The following RASAL2 variants were observed in gnomAD, a reference collection of about 807,000 sequenced individuals.
RASAL2 encodes the protein RAS protein activator like 2.
In RASAL2, 58 loss-of-function variants were observed where a neutral mutation model predicts 128.9. The ratio of observed to expected loss-of-function variants is 0.45; its 90% CI spans 0.36 to 0.56. RASAL2 has a LOEUF of 0.56. RASAL2 is among the 20% of genes least tolerant of loss of function. The probability of loss-of-function intolerance (pLI) is 0.00; values close to 1 mark genes in which losing one functional copy is unlikely to be tolerated. For missense variants in RASAL2, 1,360 were observed against 1,601.6 expected, an observed-to-expected ratio of 0.85 and a Z score of 2.57; for synonymous variants, 561 against 580.8, an observed-to-expected ratio of 0.97 and a Z score of 0.49.
intron 1 of RASAL2, among the ~76,000 whole-genome samples, chr1:178,164,658 C>A (rs1661455684): frequency 6.6e-6 from 1 of 151,734 alleles, no homozygotes; most frequent in South Asian, 2.1e-4. Flanking sequence ...AATATATATT[C>A]CTGGGTTACT....
chr1:178,247,553 CG>C (rs1558139453), intron 1 of RASAL2, among the ~76,000 whole-genome samples: 1 of 151,812 alleles, frequency 6.6e-6, no homozygotes, highest in Non-Finnish European at 1.5e-5. Context: ...AAGAGTTTTT[CG>C]TGTCTCTATC....
intron 3 of RASAL2, among the ~76,000 whole-genome samples, chr1:178,324,069 A>G (rs1262196306): frequency 2.0e-5 from 3 of 152,192 alleles, no homozygotes; most frequent in Admixed American, 2.0e-4. Context: ...TGCTCTCATC[A>G]TTAACTCTGA....
In RASAL2 at chr1:178,283,593, T is replaced by C; in HGVS notation, c.232T>C (p.Ser78Pro). 7 of 1,613,474 alleles carry C rather than the reference T, an allele frequency of 4.3e-6. No homozygotes were observed. Among genetic ancestry groups the C allele is most frequent in the Non-Finnish European group, 5.9e-6 (7 of 1,179,654 alleles). Residue 78 changes from serine to proline, a missense_variant, in exon 2 of 18, where the codon TCT becomes CCT. Around this residue, in one of 3 missense-constraint regions of RASAL2, gnomAD observed 617 missense variants for 714.2 expected, o/e 0.86. Coordinates refer to ENST00000367649, the MANE Select transcript of RASAL2 (RefSeq NM_170692.4). Reference sequence around the variant, plus strand: ...GAAAGGACCACCCACCCACCGTCTGTCTTGTGGTCAGTCACCCTACACCGA... The same window carrying C: ...GAAAGGACCACCCACCCACCGTCTGCCTTGTGGTCAGTCACCCTACACCGA... ...DVKGPPTHRLSCGQSPYTETT... is the reference protein window; with the variant it reads ...DVKGPPTHRLPCGQSPYTETT...
intron 7 of RASAL2, among the ~76,000 whole-genome samples, chr1:178,441,904 C>G (rs1676679826): frequency 6.6e-6 from 1 of 152,120 alleles, no homozygotes; most frequent in Non-Finnish European, 1.5e-5. Context: ...CTGTTATCTG[C>G]TCAGCCTCTA....
At chr1:178,413,180 A>G (rs974018192) in intron 4 of RASAL2, among the ~76,000 whole-genome samples, 8 of 152,096 alleles carry the variant, frequency 5.3e-5, no homozygotes, top group Non-Finnish European at 8.8e-5. Flanking sequence ...GGCTGGTCTC[A>G]AACTCCTGAC....
intron 3 of RASAL2, among the ~76,000 whole-genome samples, chr1:178,362,115 G>A (rs1671151204): frequency 6.6e-6 from 1 of 152,152 alleles, no homozygotes; most frequent in African/African-American, 2.4e-5. Flanking sequence ...CCTGGGGGTT[G>A]GGGACCCCTG....
intron 3 of RASAL2, among the ~76,000 whole-genome samples, chr1:178,306,100 A>G (rs1274619996): frequency 6.6e-6 from 1 of 152,180 alleles, no homozygotes; most frequent in Non-Finnish European, 1.5e-5. Context: ...TGATTCATCA[A>G]ATTTTTTTCA....
At position 178,130,115 on chromosome 1, in the gene RASAL2, G is replaced by A. The variant is rs146025725; in HGVS notation, c.202+35421G>A. Among the ~76,000 whole-genome samples the A allele has an allele frequency of 1.5e-3, 234 of 152,188 alleles. 1 individual carries two copies. The highest frequency in any genetic ancestry group is 5.4e-3 in the African/African-American group (224 of 41,526). On this transcript the variant is annotated intron_variant, in intron 1 of 17. Coordinates refer to ENST00000367649, the MANE Select transcript of RASAL2 (RefSeq NM_170692.4). ...CCGTAGTATATTCAAATTCAGCAGG[G>A]CAGTTTATAAAACAATTACTATATA...
At chr1:178,383,695 G>A (rs1672401897) in intron 3 of RASAL2, among the ~76,000 whole-genome samples, 1 of 152,046 alleles carries the variant, frequency 6.6e-6, no homozygotes, top group Non-Finnish European at 1.5e-5. Flanking sequence ...TTTCTTAAAT[G>A]TCTTCTGTGC....
chr1:178,148,582 G>A (rs1359186497), intron 1 of RASAL2, among the ~76,000 whole-genome samples: 1 of 151,980 alleles, frequency 6.6e-6, no homozygotes, highest in Non-Finnish European at 1.5e-5. Flanking sequence ...TCAAGCAACT[G>A]GGACTACAGG....
intron 3 of RASAL2, chr1:178,372,446 G>C (rs1671771545): frequency 1.3e-6 from 1 of 761,662 alleles, no homozygotes; most frequent in African/African-American, 1.9e-5. Context: ...GGAATTAAGG[G>C]AATATGTTTA....
intron 1 of RASAL2, among the ~76,000 whole-genome samples, chr1:178,222,546 C>T (rs914605140): frequency 3.3e-5 from 5 of 152,094 alleles, no homozygotes; most frequent in African/African-American, 1.2e-4. Context: ...CCTAATCTCT[C>T]TCTGGAATCC....
intron 1 of RASAL2, among the ~76,000 whole-genome samples, chr1:178,181,186 A>T (rs1377562472): frequency 6.6e-6 from 1 of 152,112 alleles, no homozygotes; most frequent in East Asian, 1.9e-4. Flanking sequence ...AATATTAATG[A>T]TAGAATAGTT....
chr1:178,465,802 TAAAAAAAAGAAAAAAGAAAAA>T (rs1401691753), intron 15 of RASAL2, 97 bp from the exon 16 acceptor site: 1 of 985,400 alleles, frequency 1.0e-6, no homozygotes, highest in Non-Finnish European at 1.5e-6. Context: ...TTTCTTTTGT[TAAAAAAAAGAAAAAAGAAAAA>T]GAAAAAAAGA....
At chr1:178,225,013 C>T (rs955543036) in intron 1 of RASAL2, among the ~76,000 whole-genome samples, 2 of 152,054 alleles carry the variant, frequency 1.3e-5, no homozygotes, top group African/African-American at 4.8e-5. Context: ...CTAATTTAAG[C>T]AGGTCATGGA....
chr1:178,221,071 C>A (rs1663598429), intron 1 of RASAL2, among the ~76,000 whole-genome samples: 1 of 152,136 alleles, frequency 6.6e-6, no homozygotes, highest in South Asian at 2.1e-4. Context: ...TGCTTCACAC[C>A]CTTGCCAGCA....
intron 3 of RASAL2, among the ~76,000 whole-genome samples, chr1:178,324,186 A>G (rs1342243612): frequency 1.3e-5 from 2 of 152,234 alleles, no homozygotes; most frequent in Non-Finnish European, 2.9e-5. Flanking sequence ...GCTCTGACTC[A>G]TAAAATCATG....
Position 178,273,078 on chromosome 1 carries a change from A to G in RASAL2, c.203-10486A>G, listed in dbSNP as rs1002757891. Among the ~76,000 whole-genome samples the G allele has an allele frequency of 5.9e-5, 9 of 152,350 alleles. No individual in the cohort carries two copies. The South Asian group carries it at 1.7e-3, about 28-fold the overall frequency. On this transcript the variant is annotated intron_variant, in intron 1 of 17. Transcript: ENST00000367649. ...AGTGCCACACAAATGTGGTTGGAGAATATAGACTTATTGTCCTGTATCAGC... is the reference window on the plus strand; with the variant it reads ...AGTGCCACACAAATGTGGTTGGAGAGTATAGACTTATTGTCCTGTATCAGC...
intron 1 of RASAL2, among the ~76,000 whole-genome samples, chr1:178,204,374 C>T (rs1662972160): frequency 6.6e-6 from 1 of 152,156 alleles, no homozygotes; most frequent in African/African-American, 2.4e-5. Flanking sequence ...GGTTAATACA[C>T]ACCAGGAGGT....
Sources: gnomAD v4.1 joint callset for allele counts (sites outside exome capture counted in the v4.1 genomes callset) on GRCh38, gnomAD v4.1.1 for gene constraint, gnomAD v4.1.1 regional missense constraint, MANE v1.5 for transcripts, NCBI Gene and HGNC (gene_info 2026-07-23, HGNC 2026-07-21) for gene names.